ATP11A: variants seen among roughly 807,000 people sequenced by gnomAD.
ATP11A encodes the protein phospholipid-transporting ATPase IH.
ATP11A carries 81 observed loss-of-function variants against 154.4 expected under a neutral mutation model. The observed-to-expected ratio is 0.52, with a 90% CI of 0.44 to 0.63. ATP11A has a LOEUF of 0.63. Ranked by LOEUF, ATP11A falls within the 30% of genes least tolerant of loss-of-function variation. ATP11A has a pLI of 0.00. For synonymous variants in ATP11A, 623 were observed against 585.9 expected, an observed-to-expected ratio of 1.06 and a Z score of -0.91; for missense variants, 1,316 against 1,474.3, an observed-to-expected ratio of 0.89 and a Z score of 1.76.
intron 1 of ATP11A, among the ~76,000 whole-genome samples, chr13:112,741,361 G>A (rs900953630): frequency 6.6e-6 from 1 of 150,448 alleles, no homozygotes; most frequent in Non-Finnish European, 1.5e-5. Context: ...CTGCGGGGCT[G>A]TGGGGCAGAA....
chr13:112,745,807 GCCATGTTAAGTGT>G (rs1360595197), intron 1 of ATP11A: 4 of 152,198 alleles, frequency 2.6e-5, no homozygotes, highest in Non-Finnish European at 4.4e-5. Flanking sequence ...GACCATCATA[GCCATGTTAAGTGT>G]ACAGTTCAGC....
chr13:112,877,411 C>T (rs1017695288), intron 28 of ATP11A, among the ~76,000 whole-genome samples: 2 of 152,212 alleles, frequency 1.3e-5, no homozygotes, highest in African/African-American at 4.8e-5. Flanking sequence ...AGCGGGCACA[C>T]GTGTTCATGA....
chr13:112,851,241 G>T (rs200131984), intron 18 of ATP11A, 23 bp downstream of exon 18: 1 of 1,598,046 alleles, frequency 6.3e-7, no homozygotes, highest in Non-Finnish European at 8.5e-7. Flanking sequence ...CATGCATCCC[G>T]TCCTGAGAGA....
intron 2 of ATP11A, among the ~76,000 whole-genome samples, chr13:112,798,378 T>C (rs392893): frequency 0.6 from 91,094 of 152,212 alleles, 28,078 homozygotes; most frequent in African/African-American, 0.75. Context: ...AGGGATCCAC[T>C]GCCTCAGCCT....
intron 1 of ATP11A, among the ~76,000 whole-genome samples, chr13:112,778,733 TGAG>T (rs1472097025): frequency 5.5e-5 from 6 of 109,902 alleles, no homozygotes; most frequent in African/African-American, 2.3e-4. Flanking sequence ...GCCGCTGGAG[TGAG>T]GAGTAGCCAC....
At chr13:112,831,127 C>T (rs2079072045) in intron 12 of ATP11A, among the ~76,000 whole-genome samples, 2 of 152,188 alleles carry the variant, frequency 1.3e-5, no homozygotes. Flanking sequence ...TATCCCGAGG[C>T]CTCCCCACCC....
chr13:112,691,805 T>C (rs142755725), intron 1 of ATP11A, among the ~76,000 whole-genome samples: 244 of 152,236 alleles, frequency 1.6e-3, no homozygotes, highest in African/African-American at 5.6e-3. Flanking sequence ...CCCGGATTTA[T>C]TTATTAACCA....
intron 1 of ATP11A, among the ~76,000 whole-genome samples, chr13:112,731,766 G>A (rs148111998): frequency 3.3e-5 from 5 of 152,198 alleles, no homozygotes; most frequent in Non-Finnish European, 5.9e-5. Flanking sequence ...CCTATGCTAC[G>A]AACATATCAC....
chr13:112,790,125 T>C, intron 2 of ATP11A, among the ~76,000 whole-genome samples: 1 of 142,604 alleles, frequency 7.0e-6, no homozygotes, highest in East Asian at 2.0e-4. Context: ...TCCTGATATG[T>C]AGATCCCTGT....
chr13:112,831,975 A>C (rs2079103172), intron 13 of ATP11A, among the ~76,000 whole-genome samples: 1 of 151,628 alleles, frequency 6.6e-6, no homozygotes, highest in African/African-American at 2.4e-5. Context: ...ACACATGCCC[A>C]GACACCGTGT....
chr13:112,858,949 C>A (rs7995883), intron 22 of ATP11A: 14 of 233,540 alleles, frequency 6.0e-5, no homozygotes, highest in Admixed American at 2.1e-4. Context: ...CTGCATCCCC[C>A]CAGGGTCTGG....
intron 1 of ATP11A, among the ~76,000 whole-genome samples, chr13:112,780,305 C>G (rs2077466282): frequency 6.6e-6 from 1 of 152,080 alleles, no homozygotes; most frequent in African/African-American, 2.4e-5. Context: ...GGTCGGCAGC[C>G]ACCACCGCCC....
intron 17 of ATP11A, among the ~76,000 whole-genome samples, chr13:112,850,711 G>A (rs1363620524): frequency 6.6e-6 from 1 of 151,864 alleles, no homozygotes; most frequent in Non-Finnish European, 1.5e-5. Context: ...TCAAAATAAA[G>A]GAACAAATTT....
At chr13:112,815,081 A>T (rs2078605601) in intron 5 of ATP11A, among the ~76,000 whole-genome samples, 2 of 152,202 alleles carry the variant, frequency 1.3e-5, no homozygotes, top group Non-Finnish European at 2.9e-5. Flanking sequence ...AGTGGCAGTG[A>T]GACTGGCTGG....
chr13:112,797,748 G>C (rs1041521800), intron 2 of ATP11A, among the ~76,000 whole-genome samples: 1 of 152,222 alleles, frequency 6.6e-6, no homozygotes, highest in African/African-American at 2.4e-5. Context: ...TTCATTGCCA[G>C]TAGACCTCCC....
chr13:112,717,624 T>C (rs282568), intron 1 of ATP11A: 121,431 of 152,222 alleles, frequency 0.8, 49,631 homozygotes, highest in East Asian at 0.94. Context: ...AATTCATTTT[T>C]CAGTTCTCTG....
In ATP11A at chr13:112,753,352, G is replaced by A. The variant is rs903763552; in HGVS notation, c.40-31783G>A. ...TTTCTGCGAGGACAGCTTTGGGATC[G>A]CTTTGGAGAAGGGAGATTTCTGAGA... On this transcript the variant is annotated intron_variant, in intron 1 of 29. Transcript: ENST00000375645. The surrounding 1 kb of genome is among the most constrained non-coding windows in gnomAD (Gnocchi z 4.1). Among the ~76,000 whole-genome samples, 12 of 151,564 alleles carry A rather than the reference G, an allele frequency of 7.9e-5. No homozygotes were observed. The highest frequency in any genetic ancestry group is 2.9e-4 in the African/African-American group (12 of 41,170).
intron 24 of ATP11A, among the ~76,000 whole-genome samples, chr13:112,861,586 C>T (rs1489461840): frequency 6.6e-6 from 1 of 152,262 alleles, no homozygotes; most frequent in African/African-American, 2.4e-5. Flanking sequence ...ATAGCCAAGA[C>T]CACTCACTTC....
At chr13:112,816,282 A>G (rs1425353357) in intron 6 of ATP11A, 71 bp downstream of exon 6, 5 of 1,588,242 alleles carry the variant, frequency 3.1e-6, no homozygotes, top group East Asian at 2.3e-5. Context: ...CCATGCGGCC[A>G]CAGAAACTAA....
Sources: gnomAD v4.1 joint callset for allele counts (sites outside exome capture counted in the v4.1 genomes callset) on GRCh38, gnomAD v4.1.1 for gene constraint, Gnocchi (gnomAD v3.1) non-coding constraint, MANE v1.5 for transcripts, NCBI Gene and HGNC (gene_info 2026-07-23, HGNC 2026-07-21) for gene names.